Variants in ARFGEF1 observed in about 807,000 individuals in gnomAD.
ARFGEF1 encodes brefeldin A-inhibited guanine nucleotide-exchange protein 1.
ARFGEF1 carries 42 observed loss-of-function variants against 231.0 expected under a neutral mutation model. The ratio of observed to expected loss-of-function variants is 0.18; its 90% CI spans 0.14 to 0.24. The LOEUF (loss-of-function observed/expected upper bound fraction) is 0.24. Among genes scored for constraint, ARFGEF1 ranks in the 10% least tolerant of loss-of-function variants. The pLI, the probability that ARFGEF1 is intolerant of heterozygous loss-of-function variation, is 1.00. For missense variants in ARFGEF1, 1,345 were observed against 2,192.0 expected, an observed-to-expected ratio of 0.61 and a Z score of 7.72; for synonymous variants, 710 against 732.3, an observed-to-expected ratio of 0.97 and a Z score of 0.49.
chr8:67,175,607 G>A, intron 5 of ARFGEF1: 1 of 748,622 alleles, frequency 1.3e-6, no homozygotes, highest in Non-Finnish European at 2.4e-6. Context: ...ATGAGAGAGA[G>A]CTCTGAGTGG....
At chr8:67,323,596 A>G (rs1481797043) in intron 1 of ARFGEF1, among the ~76,000 whole-genome samples, 2 of 152,164 alleles carry the variant, frequency 1.3e-5, no homozygotes, top group African/African-American at 2.4e-5. Context: ...TCTCAAAATC[A>G]TGTCATTAGA....
chr8:67,259,536 T>C (rs1840573112), intron 15 of ARFGEF1, among the ~76,000 whole-genome samples: 1 of 152,162 alleles, frequency 6.6e-6, no homozygotes, highest in Non-Finnish European at 1.5e-5. Flanking sequence ...CCAACCAAGG[T>C]TATTCTTTAC....
chr8:67,266,595 T>G (rs544172445), intron 13 of ARFGEF1, among the ~76,000 whole-genome samples: 1 of 152,148 alleles, frequency 6.6e-6, no homozygotes, highest in Non-Finnish European at 1.5e-5. Flanking sequence ...ATACTGCCTT[T>G]TATATGTTTC....
chr8:67,265,643 A>T (rs1204842798), intron 14 of ARFGEF1, among the ~76,000 whole-genome samples: 1 of 152,182 alleles, frequency 6.6e-6, no homozygotes, highest in Non-Finnish European at 1.5e-5. Context: ...AAGACCTATA[A>T]AGGAGTACTG....
At chr8:67,176,939 C>T (rs147715970) in intron 5 of ARFGEF1, among the ~76,000 whole-genome samples, 75 of 151,974 alleles carry the variant, frequency 4.9e-4, no homozygotes, top group African/African-American at 1.7e-3. Context: ...GGCATGGAGG[C>T]GTGTGCCTGT....
Position 67,235,084 on chromosome 8 carries a change from ATG to A in ARFGEF1, c.3290-2141_3290-2140del, listed in dbSNP as rs746111295. Among the ~76,000 whole-genome samples, 345 of 121,920 alleles carry A rather than the reference ATG, an allele frequency of 2.8e-3. 1 individual carries two copies. The highest frequency in any genetic ancestry group is 3.7e-3 in the Non-Finnish European group (235 of 63,184). The allele number at this position is 121,920 out of a possible 152,430, so 80.0% of individuals were successfully genotyped here. On this transcript the variant is annotated intron_variant, in intron 22 of 38. Coordinates refer to ENST00000262215, the MANE Select transcript of ARFGEF1 (RefSeq NM_006421.5). ...TGTGTATGTGTGTATATATATATAT[ATG>A]TGTGTGTGTGTGTGTATATATATAC... is the stretch of plus-strand genomic sequence containing the variant.
intron 19 of ARFGEF1, among the ~76,000 whole-genome samples, chr8:67,249,691 T>G (rs867677305): frequency 4.6e-5 from 7 of 151,146 alleles, no homozygotes; most frequent in Non-Finnish European, 8.8e-5. Context: ...GGCCTGATCT[T>G]GGCTCACTGC....
intron 33 of ARFGEF1, among the ~76,000 whole-genome samples, chr8:67,212,707 CTG>C (rs2129577892): frequency 6.6e-6 from 1 of 151,252 alleles, no homozygotes; most frequent in Admixed American, 6.6e-5. Flanking sequence ...GAAGATGGGC[CTG>C]TGTTACCAGA....
chr8:67,219,327 G>C lies in ARFGEF1; in HGVS notation c.4338+104C>G. ...TCATGCCTTAAAGAAAAATTTTCTA[G>C]GAATTCTTTTCTGTACTTAATTTGA... On this transcript the variant is annotated intron_variant, in intron 30 of 38. Coordinates refer to ENST00000262215, the MANE Select transcript of ARFGEF1 (RefSeq NM_006421.5). 6 of 1,360,484 alleles carry C rather than the reference G, an allele frequency of 4.4e-6. No individual in the cohort carries two copies. The South Asian group carries it at 9.3e-5, about 21-fold the overall frequency. 84.3% of individuals were successfully genotyped at this position (1,360,484 alleles called of 1,614,324 possible). A position where few individuals can be genotyped will look rare whatever the true frequency, so the allele number is the denominator to read the frequency against.
chr8:67,199,918 G>A, intron 38 of ARFGEF1: 1 of 230,884 alleles, frequency 4.3e-6, no homozygotes, highest in Non-Finnish European at 8.8e-6. Flanking sequence ...ATTTCTACTG[G>A]TTTAAAATTC....
At chr8:67,190,541 T>C in intron 5 of ARFGEF1, 1 of 763,848 alleles carries the variant, frequency 1.3e-6, no homozygotes, top group Non-Finnish European at 2.3e-6. Flanking sequence ...ATTGAGTGTG[T>C]TTCATGGTAT....
intron 30 of ARFGEF1, among the ~76,000 whole-genome samples, chr8:67,218,647 C>T (rs1035833054): frequency 1.7e-4 from 26 of 151,498 alleles, no homozygotes; most frequent in Admixed American, 1.1e-3. Flanking sequence ...TTATTTTTTT[C>T]AAGCCCATAA....
intron 5 of ARFGEF1, among the ~76,000 whole-genome samples, chr8:67,187,353 T>C (rs1043372434): frequency 6.6e-6 from 1 of 152,074 alleles, no homozygotes; most frequent in African/African-American, 2.4e-5. Flanking sequence ...GTGGCATTGG[T>C]GAAAGAACAG....
chr8:67,323,430 G>T (rs1421122772), intron 1 of ARFGEF1, among the ~76,000 whole-genome samples: 1 of 152,146 alleles, frequency 6.6e-6, no homozygotes, highest in Non-Finnish European at 1.5e-5. Flanking sequence ...CCCTAGGCTT[G>T]TGTCATGTTA....
At chr8:67,319,007 C>A (rs771418926) in intron 1 of ARFGEF1, among the ~76,000 whole-genome samples, 8 of 151,982 alleles carry the variant, frequency 5.3e-5, no homozygotes, top group Non-Finnish European at 1.0e-4. Flanking sequence ...TAGCTCACCA[C>A]AAAATAAAAT....
intron 1 of ARFGEF1, among the ~76,000 whole-genome samples, chr8:67,312,317 G>C (rs535202038): frequency 7.8e-4 from 118 of 151,302 alleles, no homozygotes; most frequent in South Asian, 5.4e-3. Context: ...CTTGAAAGCA[G>C]GTAGAAAGAA....
chr8:67,195,768 T>G (rs1941078844), downstream of ARFGEF1: 1 of 591,926 alleles, frequency 1.7e-6, no homozygotes, highest in Admixed American at 3.1e-5. Context: ...AGGCCATGAT[T>G]ATTGATTTAT....
chr8:67,322,638 G>C (rs189916192), intron 1 of ARFGEF1, among the ~76,000 whole-genome samples: 2 of 152,154 alleles, frequency 1.3e-5, no homozygotes, highest in Non-Finnish European at 2.9e-5. Context: ...CCAGGAGTTC[G>C]AGGATGCTGT....
At chr8:67,201,435 G>A (rs1187254905) in intron 37 of ARFGEF1, 32 bp downstream of exon 37, 1 of 1,591,102 alleles carries the variant, frequency 6.3e-7, no homozygotes, top group South Asian at 1.1e-5. Flanking sequence ...GTGGCTACCT[G>A]GTCAGAGATG....
Sources: allele counts gnomAD v4.1 joint callset (sites outside exome capture counted in the v4.1 genomes callset), GRCh38; gene constraint gnomAD v4.1.1; transcripts MANE v1.5; gene names NCBI Gene and HGNC (gene_info 2026-07-23, HGNC 2026-07-21).